The following AGBL1 variants were observed in gnomAD, a reference collection of about 807,000 sequenced individuals.
AGBL1 encodes AGBL carboxypeptidase 1.
A neutral mutation model predicts 118.9 loss-of-function variants in AGBL1; 130 were observed. The ratio of observed to expected loss-of-function variants is 1.09; its 90% CI spans 0.95 to 1.26. AGBL1 has a LOEUF of 1.26. AGBL1 is among the 50% of genes most tolerant of loss of function. AGBL1 has a pLI of 0.00. For missense variants in AGBL1, 1,584 were observed against 1,298.1 expected (o/e 1.22, Z -3.38); for synonymous variants, 555 against 478.9 (o/e 1.16, Z -2.08).
intron 21 of AGBL1, among the ~76,000 whole-genome samples, chr15:86,586,716 G>A (rs1432246671): frequency 6.6e-6 from 1 of 152,134 alleles, no homozygotes; most frequent in Admixed American, 6.6e-5. Context: ...GTATACAATA[G>A]TTTGGTCTGA....
At chr15:86,661,639 C>T (rs931956287) in intron 21 of AGBL1, among the ~76,000 whole-genome samples, 3 of 151,922 alleles carry the variant, frequency 2.0e-5, no homozygotes, top group African/African-American at 7.3e-5. Context: ...GGAGAATTAC[C>T]AATTGCCACG....
intron 3 of AGBL1, among the ~76,000 whole-genome samples, chr15:86,151,640 A>G (rs1186025807): frequency 6.6e-6 from 1 of 152,104 alleles, no homozygotes; most frequent in Non-Finnish European, 1.5e-5. Flanking sequence ...CTCTCTCACC[A>G]CTCCTATTCA....
rs994490657 is a variant in AGBL1 at position 86,543,810 on chromosome 15, A to G, written c.2686-2192A>G. On this transcript the variant is annotated intron_variant, in intron 19 of 22. Coordinates refer to ENST00000614907, the MANE Select transcript of AGBL1 (RefSeq NM_001386094.1). ...GAATTGTTATGAACCAGCAACTGCTATATCCATCTTATTCATCTCCTTTGA... is the reference window on the plus strand; with the variant it reads ...GAATTGTTATGAACCAGCAACTGCTGTATCCATCTTATTCATCTCCTTTGA... 2.0e-5 allele frequency among the ~76,000 whole-genome samples: 3 copies of G among 152,384 alleles called. No individual in the cohort carries two copies. In the South Asian group the frequency reaches 6.2e-4, roughly 32 times the overall value.
chr15:86,290,663 T>G (rs2079530005), intron 16 of AGBL1, among the ~76,000 whole-genome samples: 1 of 150,822 alleles, frequency 6.6e-6, no homozygotes, highest in Admixed American at 6.6e-5. Context: ...AAGTCCTTAT[T>G]TTCTTATTAT....
chr15:87,016,301 G>A (rs117959373), intron 24 of AGBL1, among the ~76,000 whole-genome samples: 4,371 of 152,240 alleles, frequency 0.029, 88 homozygotes, highest in Middle Eastern at 0.058. Flanking sequence ...TGTTCTGACT[G>A]CTATAATAGA....
intron 5 of AGBL1, among the ~76,000 whole-genome samples, chr15:86,224,689 A>G (rs2078331715): frequency 6.6e-6 from 1 of 152,176 alleles, no homozygotes; most frequent in African/African-American, 2.4e-5. Context: ...GATTTTCAGC[A>G]GCAGAGGGGA....
intron 23 of AGBL1, among the ~76,000 whole-genome samples, chr15:86,940,316 A>G (rs2141652637): frequency 6.6e-6 from 1 of 152,172 alleles, no homozygotes; most frequent in South Asian, 2.1e-4. Flanking sequence ...AGATAATAAT[A>G]ATATAGACCT....
chr15:86,111,388 A>T (rs982744227), intron 1 of AGBL1, among the ~76,000 whole-genome samples: 1 of 152,216 alleles, frequency 6.6e-6, no homozygotes, highest in East Asian at 1.9e-4. Flanking sequence ...TTCAGCTGCT[A>T]GGAGAGTGAC....
chr15:86,303,666 T>C (rs1036650803), intron 17 of AGBL1, among the ~76,000 whole-genome samples: 6 of 152,182 alleles, frequency 3.9e-5, no homozygotes, highest in Admixed American at 3.9e-4. Context: ...TTATACTACC[T>C]AATTTTCTCA....
chr15:86,450,138 G>A (rs1275112150), intron 18 of AGBL1, among the ~76,000 whole-genome samples: 2 of 152,118 alleles, frequency 1.3e-5, no homozygotes, highest in South Asian at 4.1e-4. Flanking sequence ...TAGATAAATC[G>A]ATTGTTGCAT....
intron 5 of AGBL1, among the ~76,000 whole-genome samples, chr15:86,161,407 G>A (rs78978625): frequency 0.062 from 9,428 of 152,134 alleles, 439 homozygotes; most frequent in East Asian, 0.22. Flanking sequence ...CAATTTTACC[G>A]GAAAATAAAT....
chr15:86,779,942 C>G (rs1272637123), intron 22 of AGBL1, among the ~76,000 whole-genome samples: 2 of 151,704 alleles, frequency 1.3e-5, no homozygotes, highest in Non-Finnish European at 2.9e-5. Flanking sequence ...CACACACACA[C>G]CCCTACACTT....
chr15:86,948,286 A>G (rs1354319446), intron 23 of AGBL1, among the ~76,000 whole-genome samples: 1 of 152,198 alleles, frequency 6.6e-6, no homozygotes, highest in Non-Finnish European at 1.5e-5. Context: ...ACACAAAACA[A>G]TATGTGTAAA....
At chr15:86,432,266 G>A (rs976486755) in intron 18 of AGBL1, among the ~76,000 whole-genome samples, 2 of 152,098 alleles carry the variant, frequency 1.3e-5, no homozygotes, top group South Asian at 2.1e-4. Context: ...TTTACCTAGG[G>A]TATTTTTTGT....
intron 22 of AGBL1, among the ~76,000 whole-genome samples, chr15:86,731,839 G>C (rs1426483786): frequency 1.3e-5 from 2 of 152,142 alleles, no homozygotes; most frequent in African/African-American, 4.8e-5. Flanking sequence ...TGTCTTGAGG[G>C]GTAGTAAGCC....
intron 22 of AGBL1, among the ~76,000 whole-genome samples, chr15:86,883,294 T>A (rs1470371646): frequency 6.6e-6 from 1 of 152,238 alleles, no homozygotes; most frequent in Non-Finnish European, 1.5e-5. Flanking sequence ...TTTTCTTTCC[T>A]TGGCTAACCA....
At position 86,947,357 on chromosome 15, in the gene AGBL1, T is replaced by G. The variant is rs549706700; in HGVS notation, c.3222-40630T>G. Among the ~76,000 whole-genome samples the G allele has an allele frequency of 5.3e-5, 8 of 152,310 alleles. No individual in the cohort carries two copies. The South Asian group carries it at 1.7e-3, about 32-fold the overall frequency. On this transcript the variant is annotated intron_variant, in intron 23 of 24. Transcript: ENST00000441037. ...TTGACCTGACCTAAATTTATATTGT[T>G]GGTTTTTAAAATTTAGTATTCCTTC...
intron 22 of AGBL1, among the ~76,000 whole-genome samples, chr15:86,822,766 G>T (rs1392463857): frequency 6.6e-6 from 1 of 152,124 alleles, no homozygotes; most frequent in Non-Finnish European, 1.5e-5. Context: ...AGACAAGATA[G>T]TGGATTCCCA....
chr15:86,526,464 A>G (rs529747454), intron 19 of AGBL1, among the ~76,000 whole-genome samples: 7 of 150,464 alleles, frequency 4.7e-5, no homozygotes, highest in Non-Finnish European at 1.0e-4. Flanking sequence ...TATGGAATCA[A>G]CCTAAGTCCC....
Sources: allele counts gnomAD v4.1 joint callset (sites outside exome capture counted in the v4.1 genomes callset), GRCh38; gene constraint gnomAD v4.1.1; transcripts MANE v1.5; gene names NCBI Gene and HGNC (gene_info 2026-07-23, HGNC 2026-07-21).